DMD: variants seen among roughly 807,000 people sequenced by gnomAD.
DMD encodes mutant dystrophin.
A neutral mutation model predicts 330.1 loss-of-function variants in DMD; 63 were observed. That is an observed-to-expected ratio of 0.19 (90% CI 0.16 to 0.24). The LOEUF is 0.24. Ranked by LOEUF, DMD falls within the 10% of genes least tolerant of loss-of-function variation. The pLI is 1.00. For synonymous variants in DMD, 1,223 were observed against 959.8 expected, an observed-to-expected ratio of 1.27 and a Z score of -5.07; for missense variants, 3,344 against 2,684.1, an observed-to-expected ratio of 1.25 and a Z score of -5.43.
chrX:31,524,762 T>A (rs2073121440), intron 55 of DMD, among the ~76,000 whole-genome samples: 1 of 111,476 alleles, frequency 9.0e-6, no homozygotes, highest in Non-Finnish European at 1.9e-5. Flanking sequence ...AACGGACAGG[T>A]GAAAGCTGAA....
chrX:32,493,928 G>A (rs1356891626), intron 19 of DMD, among the ~76,000 whole-genome samples: 1 of 111,297 alleles, frequency 9.0e-6, no homozygotes, highest in Non-Finnish European at 1.9e-5. Context: ...AAATTAAAGG[G>A]ACCGATAGAC....
Position 31,831,886 on chromosome X carries a change from G to A in DMD, c.7200+4832C>T, listed in dbSNP as rs186976980. Among the ~76,000 whole-genome samples, 467 of 112,638 alleles carry A rather than the reference G, an allele frequency of 4.1e-3. 3 individuals carry two copies. The highest frequency in any genetic ancestry group is 0.013 in the African/African-American group (403 of 31,019). On this transcript the variant is annotated intron_variant, in intron 49 of 78. Transcript: ENST00000357033. ...CAAAGTGCTGGTATTACAGGCGCGA[G>A]CCACCGCGCCCAGTCGCAAACTTGT...
In DMD at chrX:32,931,213, A is replaced by G. The variant is rs764024118; in HGVS notation, c.94-81393T>C. 7.2e-5 allele frequency among the ~76,000 whole-genome samples: 8 copies of G among 110,356 alleles called. 1 individual carries two copies. In the South Asian group the frequency reaches 3.0e-3, roughly 41 times the overall value. On this transcript the variant is annotated intron_variant, in intron 2 of 78. Transcript: ENST00000357033. ...ATCTTGGCAGTCAACTTTACTAATAAGCTGCTATAAAATAAATATGATTCA... is the reference window on the plus strand; with the variant it reads ...ATCTTGGCAGTCAACTTTACTAATAGGCTGCTATAAAATAAATATGATTCA...
chrX:32,590,731 G>A lies in DMD; in HGVS notation c.1602+5026C>T, dbSNP rs1243676982. Among the ~76,000 whole-genome samples, 4 of 111,205 alleles carry A rather than the reference G, an allele frequency of 3.6e-5. No homozygotes were observed. In the Admixed American group the frequency reaches 3.8e-4, roughly 11 times the overall value. On this transcript the variant is annotated intron_variant, in intron 13 of 78. Coordinates refer to ENST00000357033, the MANE Select transcript of DMD (RefSeq NM_004006.3). The stretch of plus-strand genomic sequence containing the variant: ...CCAGTGATTTCCCAGGGGCTCTAAG[G>A]CCTTTGGCCTCACACTGAGAGCTGC...
chrX:31,726,845 C>T (rs1336467404), intron 52 of DMD, among the ~76,000 whole-genome samples: 1 of 111,579 alleles, frequency 9.0e-6, no homozygotes, highest in Non-Finnish European at 1.9e-5. Context: ...TTTCTTGGAC[C>T]ATTTGGATTA....
rs1339049489 is a variant in DMD at position 32,856,476 on chromosome X, A to ATTT, written c.94-6657_94-6656insAAA. ...ATATATACGTAGTGGAGTACTACTC[A>ATTT]GTCATAAAAAAAAATGAGACGCTGT... On this transcript the variant is annotated intron_variant, in intron 2 of 78. Transcript: ENST00000357033. 2.4e-3 allele frequency among the ~76,000 whole-genome samples: 258 copies of ATTT among 107,497 alleles called. 2 individuals carry two copies. The highest frequency in any genetic ancestry group is 8.2e-3 in the African/African-American group (249 of 30,205). The allele number at this position is 107,497 out of a possible 115,157, so 93.3% of individuals were successfully genotyped here. A position where few individuals can be genotyped will look rare whatever the true frequency, so the allele number is the denominator to read the frequency against.
intron 51 of DMD, among the ~76,000 whole-genome samples, chrX:31,738,875 A>C (rs1473356330): frequency 8.9e-6 from 1 of 112,094 alleles, no homozygotes; most frequent in Non-Finnish European, 1.9e-5. Context: ...TTTAAAATTC[A>C]AAACAATTGA....
At chrX:33,317,096 A>C (rs1264475431) in intron 1 of DMD, among the ~76,000 whole-genome samples, 2 of 111,197 alleles carry the variant, frequency 1.8e-5, no homozygotes, top group African/African-American at 6.5e-5. Context: ...GGAAAAATTA[A>C]CGTTTATTTT....
At chrX:31,624,012 G>T (rs1346888851) in intron 55 of DMD, among the ~76,000 whole-genome samples, 1 of 111,184 alleles carries the variant, frequency 9.0e-6, no homozygotes, top group Admixed American at 9.6e-5. Context: ...GTTACCCAGG[G>T]TTTTATGGTA....
chrX:31,468,640 T>C (rs2067043505), intron 59 of DMD, among the ~76,000 whole-genome samples: 3 of 111,896 alleles, frequency 2.7e-5, no homozygotes, highest in East Asian at 2.8e-4. Context: ...GTATATTCTG[T>C]TGATTTGGGG....
intron 44 of DMD, among the ~76,000 whole-genome samples, chrX:31,991,206 T>C (rs1851711730): frequency 1.8e-5 from 2 of 111,234 alleles, no homozygotes; most frequent in South Asian, 3.8e-4. Context: ...ATAGAGGGGA[T>C]CTACTACAGG....
chrX:31,910,974 G>T (rs536148324), intron 47 of DMD, among the ~76,000 whole-genome samples: 1 of 112,155 alleles, frequency 8.9e-6, no homozygotes, highest in African/African-American at 3.2e-5. Context: ...CCACAGCATC[G>T]CCCACATAGG....
intron 55 of DMD, among the ~76,000 whole-genome samples, chrX:31,559,762 T>C (rs1468468421): frequency 9.1e-6 from 1 of 109,820 alleles, no homozygotes; most frequent in Non-Finnish European, 1.9e-5. Context: ...CCTCACACTG[T>C]TTGAGGGTCA....
At chrX:31,901,825 T>C (rs1447834982) in intron 47 of DMD, among the ~76,000 whole-genome samples, 1 of 111,788 alleles carries the variant, frequency 8.9e-6, no homozygotes, top group Non-Finnish European at 1.9e-5. Context: ...TATTTTTAAA[T>C]TAACACATAA....
At chrX:31,544,951 T>A (rs1279035509) in intron 55 of DMD, among the ~76,000 whole-genome samples, 1 of 111,553 alleles carries the variant, frequency 9.0e-6, no homozygotes. Flanking sequence ...TTAATACTCA[T>A]GCTTGTTGAA....
chrX:31,345,027 T>C (rs982423700), intron 61 of DMD, among the ~76,000 whole-genome samples: 2 of 111,735 alleles, frequency 1.8e-5, no homozygotes, highest in Non-Finnish European at 3.8e-5. Flanking sequence ...ACCTTTGTAA[T>C]TTTAAAAAGT....
chrX:33,173,106 T>C (rs780250991), intron 1 of DMD, among the ~76,000 whole-genome samples: 1 of 111,667 alleles, frequency 9.0e-6, no homozygotes, highest in Non-Finnish European at 1.9e-5. Context: ...ACTTTTCCTA[T>C]ACTTCAGTCA....
At chrX:31,127,091 C>G (rs1200783833) in intron 77 of DMD, among the ~76,000 whole-genome samples, 2 of 112,456 alleles carry the variant, frequency 1.8e-5, no homozygotes, top group Non-Finnish European at 3.8e-5. Flanking sequence ...GTAGTTGACT[C>G]TGTGTGCCCA....
At chrX:32,002,696 A>G (rs1437071490) in intron 44 of DMD, among the ~76,000 whole-genome samples, 3 of 111,057 alleles carry the variant, frequency 2.7e-5, no homozygotes, top group African/African-American at 9.8e-5. Context: ...AGAAGAGGTA[A>G]TCTGTCCTAC....
Sources: allele counts gnomAD v4.1 joint callset (sites outside exome capture counted in the v4.1 genomes callset), GRCh38; gene constraint gnomAD v4.1.1; transcripts MANE v1.5; gene names NCBI Gene and HGNC (gene_info 2026-07-23, HGNC 2026-07-21).